Variants in TMED3 observed in about 807,000 individuals in gnomAD.
TMED3 encodes transmembrane emp24 domain-containing protein 3.
TMED3 carries 9 observed loss-of-function variants against 15.0 expected under a neutral mutation model. That is an observed-to-expected ratio of 0.60 (90% CI 0.36 to 1.04). The LOEUF is 1.04. Among genes scored for constraint, TMED3 ranks in the 50% least tolerant of loss-of-function variants. The pLI is 0.01. For missense variants in TMED3, 267 were observed against 278.9 expected (o/e 0.96, Z 0.30); for synonymous variants, 117 against 121.4 (o/e 0.96, Z 0.24).
Position 79,362,279 on chromosome 15 carries a change from C to T in TMED3, c.417+48274C>T, listed in dbSNP as rs912296139. Among the ~76,000 whole-genome samples, 4 of 144,952 alleles carry T rather than the reference C, an allele frequency of 2.8e-5. No homozygotes were observed. The East Asian group carries it at 8.2e-4, about 30-fold the overall frequency. ...CAAGGAGTTTGAGAACAGCCTGGGG[C>T]ATATAGTGTGATCTTGCCTCTATAA... On this transcript the variant is annotated intron_variant, in intron 2 of 2. Coordinates refer to the TMED3 transcript ENST00000424155.
chr15:79,349,777 C>T (rs1351585322), intron 2 of TMED3, among the ~76,000 whole-genome samples: 1 of 152,178 alleles, frequency 6.6e-6, no homozygotes, highest in Non-Finnish European at 1.5e-5. Context: ...CCCTCAGGGC[C>T]AGGGCAACAG....
At position 79,311,340 on chromosome 15, in the gene TMED3, T is replaced by G. The variant is rs377717641; in HGVS notation, c.91T>G (p.Phe31Val). The G allele has an allele frequency of 2.0e-5, 33 of 1,611,378 alleles. No homozygotes were observed. The Middle Eastern group carries it at 5.0e-4, about 24-fold the overall frequency. Residue 31 changes from phenylalanine (F) to valine (V), a missense_variant, in exon 1 of 3, where the codon TTC becomes GTC. By Grantham distance (50) the Phe-to-Val change is conservative. This residue lies in a region of TMED3 where 59 missense variants were observed against 47.0 expected (regional missense o/e 1.26). Transcript: ENST00000299705. ...GCAGCCCTGCGGGGCCGAGCTCACC[T>G]TCGAGCTGCCGGACAACGCCAAGCA... ...AEQPCGAELTFELPDNAKQCF... is the reference protein window; with the variant it reads ...AEQPCGAELTVELPDNAKQCF...
intron 2 of TMED3, among the ~76,000 whole-genome samples, chr15:79,392,390 T>A (rs1386761988): frequency 1.3e-5 from 2 of 152,190 alleles, no homozygotes; most frequent in Non-Finnish European, 2.9e-5. Context: ...TACAAAATTC[T>A]TGGCAGATAA....
rs139380978 is a variant in TMED3 at position 79,373,313 on chromosome 15, G to A, written c.418-38087G>A. On this transcript the variant is annotated intron_variant, in intron 2 of 2. Transcript: ENST00000424155. Reference sequence around the variant, plus strand: ...ACTTTGTCAAGAATCTTCCATCAAGGCATCTTAAATCTTTTTGGTTTCCCT... The same window carrying A: ...ACTTTGTCAAGAATCTTCCATCAAGACATCTTAAATCTTTTTGGTTTCCCT... Among the ~76,000 whole-genome samples the A allele has an allele frequency of 2.7e-3, 405 of 152,260 alleles. 1 individual carries two copies. Among genetic ancestry groups the A allele is most frequent in the African/African-American group, 9.1e-3 (378 of 41,556 alleles).
At chr15:79,350,072 C>T (rs1257041298) in intron 2 of TMED3, among the ~76,000 whole-genome samples, 1 of 152,082 alleles carries the variant, frequency 6.6e-6, no homozygotes, top group Non-Finnish European at 1.5e-5. Flanking sequence ...GTGGCTGTAT[C>T]CCAGTGCCTA....
chr15:79,359,696 A>G (rs1893086493), intron 2 of TMED3, among the ~76,000 whole-genome samples: 1 of 152,224 alleles, frequency 6.6e-6, no homozygotes. Context: ...AGATTGAGAG[A>G]TCAAGGTCTC....
intron 2 of TMED3, among the ~76,000 whole-genome samples, chr15:79,354,877 C>G (rs2058912514): frequency 6.6e-6 from 1 of 152,132 alleles, no homozygotes; most frequent in Non-Finnish European, 1.5e-5. Flanking sequence ...TGATCTTTCT[C>G]TGGGGTGAAG....
intron 2 of TMED3, among the ~76,000 whole-genome samples, chr15:79,396,675 C>A (rs543704301): frequency 6.6e-6 from 1 of 152,290 alleles, no homozygotes; most frequent in Non-Finnish European, 1.5e-5. Context: ...TTGGTCAAAA[C>A]GTGCACTGCA....
At chr15:79,400,683 C>A (rs1354063069) in intron 2 of TMED3, among the ~76,000 whole-genome samples, 1 of 152,164 alleles carries the variant, frequency 6.6e-6, no homozygotes, top group East Asian at 1.9e-4. Flanking sequence ...TAACAATTAT[C>A]TCATTTAATG....
At chr15:79,411,667 T>C (rs1474108956) in exon 3 of TMED3, 4 of 585,040 alleles carry the variant, frequency 6.8e-6, no homozygotes, top group Non-Finnish European at 1.2e-5. Flanking sequence ...AGGAACAACC[T>C]GCTCTCACCA....
rs1046820387 is a variant in TMED3 at position 79,321,263 on chromosome 15, G to A, written c.418-715G>A. Among the ~76,000 whole-genome samples, 5 of 152,174 alleles carry A rather than the reference G, an allele frequency of 3.3e-5. No homozygotes were observed. In the South Asian group the frequency reaches 6.2e-4, roughly 19 times the overall value. ...ATTCACAGCTTTCTGGAATTAGGGC[G>A]GGGGACCTTGGTGGTGGTGGGAAGG... On this transcript the variant is annotated intron_variant, in intron 2 of 2. Coordinates refer to ENST00000299705, the MANE Select transcript of TMED3 (RefSeq NM_007364.4).
Position 79,313,994 on chromosome 15 carries a change from G to C in TMED3, c.406G>C (p.Ala136Pro). ...CCCAGACATGGGGAACAGGGTCACAGCTCTCACCCAGGTGAGTGAACATTA... is the reference window on the plus strand; with the variant it reads ...CCCAGACATGGGGAACAGGGTCACACCTCTCACCCAGGTGAGTGAACATTA... ...ILPDMGNRVT[A>P]LTQMESACVT... The change falls in exon 2 of 3, where the codon GCT (alanine) becomes CCT (proline). Residue 136 changes from alanine to proline, a missense_variant. Physicochemically the swap from Ala to Pro is conservative, Grantham distance 27. This residue lies in a region of TMED3 where 139 missense variants were observed against 125.0 expected (regional missense o/e 1.11). Coordinates refer to ENST00000299705, the MANE Select transcript of TMED3 (RefSeq NM_007364.4). The C allele has an allele frequency of 6.2e-7, 1 of 1,614,216 alleles. No homozygotes were observed. The highest frequency in any genetic ancestry group is 8.5e-7 in the Non-Finnish European group (1 of 1,180,038).
intron 2 of TMED3, among the ~76,000 whole-genome samples, chr15:79,409,292 A>C (rs749607202): frequency 2.0e-5 from 3 of 152,234 alleles, no homozygotes; most frequent in Non-Finnish European, 4.4e-5. Context: ...TCAGATATTC[A>C]GTGCCAATCT....
At chr15:79,378,048 T>G (rs1893461613) in intron 2 of TMED3, among the ~76,000 whole-genome samples, 1 of 152,256 alleles carries the variant, frequency 6.6e-6, no homozygotes. Context: ...GCTTATGCTA[T>G]AATACATTTT....
At chr15:79,334,854 A>G (rs1198794856) in intron 2 of TMED3, among the ~76,000 whole-genome samples, 3 of 140,086 alleles carry the variant, frequency 2.1e-5, no homozygotes, top group South Asian at 4.6e-4. Context: ...AGAAGGGGTT[A>G]TAATACAACA....
At chr15:79,377,897 T>C (rs1165586187) in intron 2 of TMED3, among the ~76,000 whole-genome samples, 5 of 152,038 alleles carry the variant, frequency 3.3e-5, no homozygotes, top group African/African-American at 9.7e-5. Context: ...CCGCCCGCCT[T>C]GGCCTCCCAA....
intron 2 of TMED3, among the ~76,000 whole-genome samples, chr15:79,339,742 A>T (rs769271238): frequency 1.3e-5 from 2 of 151,402 alleles, no homozygotes; most frequent in Admixed American, 1.3e-4. Context: ...TGGTGATGAC[A>T]TGATGGTGAT....
intron 2 of TMED3, among the ~76,000 whole-genome samples, chr15:79,349,344 A>AT (rs971245149): frequency 7.2e-5 from 11 of 151,744 alleles, no homozygotes; most frequent in South Asian, 2.1e-4. Context: ...TGTCAACTTA[A>AT]TTTTTTTTTA....
At chr15:79,374,495 C>A (rs1332831668) in intron 2 of TMED3, among the ~76,000 whole-genome samples, 2 of 152,086 alleles carry the variant, frequency 1.3e-5, no homozygotes. Flanking sequence ...TGTTTGAGAC[C>A]TTTTCTGCCT....
Sources: gnomAD v4.1 joint callset for allele counts (sites outside exome capture counted in the v4.1 genomes callset) on GRCh38, gnomAD v4.1.1 for gene constraint, gnomAD v4.1.1 regional missense constraint, MANE v1.5 for transcripts, NCBI Gene and HGNC (gene_info 2026-07-23, HGNC 2026-07-21) for gene names.